Variants in MORN3 observed in about 807,000 individuals in gnomAD.
The protein encoded by MORN3 is MORN repeat containing 3.
MORN3 carries 38 observed loss-of-function variants against 34.7 expected under a neutral mutation model. That is an observed-to-expected ratio of 1.10 (90% CI 0.85 to 1.44). MORN3 has a LOEUF of 1.44. Among genes scored for constraint, MORN3 ranks in the 40% most tolerant of loss-of-function variants. MORN3 has a pLI of 0.00. For missense variants in MORN3, 311 were observed against 321.7 expected, an observed-to-expected ratio of 0.97 and a Z score of 0.25; for synonymous variants, 109 against 115.3, an observed-to-expected ratio of 0.95 and a Z score of 0.35.
chr12:121,662,292 C>T (rs975016013), intron 1 of MORN3, among the ~76,000 whole-genome samples: 1 of 152,076 alleles, frequency 6.6e-6, no homozygotes, highest in African/African-American at 2.4e-5. Context: ...CATGGTTAAG[C>T]CCTGTCTCTA....
chr12:121,656,889 T>C (rs1555325763), intron 2 of MORN3, among the ~76,000 whole-genome samples: 1 of 152,182 alleles, frequency 6.6e-6, no homozygotes, highest in Non-Finnish European at 1.5e-5. Context: ...ACATCCCTCC[T>C]AATACCATAT....
intron 1 of MORN3, among the ~76,000 whole-genome samples, chr12:121,667,668 C>T (rs1484917248): frequency 6.6e-6 from 1 of 151,978 alleles, no homozygotes; most frequent in Non-Finnish European, 1.5e-5. Flanking sequence ...CTGCCACCTT[C>T]TATGCTAGTT....
intron 5 of MORN3, among the ~76,000 whole-genome samples, chr12:121,652,389 A>T (rs140092678): frequency 0.03 from 4,492 of 152,096 alleles, 177 homozygotes; most frequent in East Asian, 0.11. Flanking sequence ...GCCTGCCACC[A>T]CACCTGGCTA....
chr12:121,670,182 AAAATAT>A (rs1893915707), upstream of MORN3, among the ~76,000 whole-genome samples: 2 of 152,154 alleles, frequency 1.3e-5, no homozygotes, highest in South Asian at 4.2e-4. Context: ...ATATGAATCC[AAAATAT>A]GAACCCAAAA....
intron 1 of MORN3, among the ~76,000 whole-genome samples, chr12:121,665,224 T>A (rs1474009686): frequency 6.7e-6 from 1 of 148,750 alleles, no homozygotes; most frequent in Non-Finnish European, 1.5e-5. Flanking sequence ...CTGGAGTACC[T>A]CGTATAGGAG....
At position 121,663,256 on chromosome 12, in the gene MORN3, C is replaced by T. The variant is rs144317774; in HGVS notation, c.146-3908G>A. ...TCTTGTTGCTCAGGCTGGAGTGCAACGGTGCAATCTCGGCTCACTGCAACC... is the reference window on the plus strand; with the variant it reads ...TCTTGTTGCTCAGGCTGGAGTGCAATGGTGCAATCTCGGCTCACTGCAACC... On this transcript the variant is annotated intron_variant, in intron 1 of 5. Transcript: ENST00000355329. 8.1e-3 allele frequency among the ~76,000 whole-genome samples: 1,198 copies of T among 148,430 alleles called. 7 individuals carry two copies. Among genetic ancestry groups the T allele is most frequent in the Non-Finnish European group, 0.013 (855 of 67,536 alleles).
At chr12:121,660,969 T>A (rs964556704) in intron 1 of MORN3, among the ~76,000 whole-genome samples, 4 of 151,912 alleles carry the variant, frequency 2.6e-5, no homozygotes, top group Admixed American at 2.0e-4. Context: ...GCGCCTGGCC[T>A]TTTTCTTTCT....
At position 121,654,389 on chromosome 12, in the gene MORN3, A is replaced by AC. The variant is rs782477112; in HGVS notation, c.347dup (p.Asp117Ter). On this transcript the variant is annotated frameshift_variant, in exon 3 of 6. Coordinates refer to ENST00000355329, the MANE Select transcript of MORN3 (RefSeq NM_173855.5). LOFTEE classifies it high-confidence loss of function. ...CGCTGCGCTGGCTGCCACACCAGTC[A>AC]CCCTCATAATACTCCTTGGGTCCGA... 3 of 1,601,180 alleles carry AC rather than the reference A, an allele frequency of 1.9e-6. No homozygotes were observed. In the Admixed American group the frequency reaches 5.2e-5, roughly 28 times the overall value.
At chr12:121,653,313 C>T in intron 3 of MORN3, 54 bp from the exon 4 acceptor site, 3 of 1,555,792 alleles carry the variant, frequency 1.9e-6, no homozygotes, top group Non-Finnish European at 1.7e-6. Flanking sequence ...TAAGCTAGAC[C>T]CCCAGGGGTC....
In MORN3 at chr12:121,654,321, C is replaced by T. The variant is rs1594221603; in HGVS notation, c.416G>A (p.Gly139Glu). ...GTTGGGCTTGTCGTTCTCCCACTGTCCCTCGTAGATGTCGCCGTTGCTGTA... is the reference window on the plus strand; with the variant it reads ...GTTGGGCTTGTCGTTCTCCCACTGTTCCTCGTAGATGTCGCCGTTGCTGTA... ...MYYSNGDIYEGQWENDKPNGE... is the reference protein window; with the variant it reads ...MYYSNGDIYEEQWENDKPNGE... Residue 139 changes from glycine (G) to glutamate (E), a missense_variant, in exon 3 of 6, where the codon GGA becomes GAA. Physicochemically the swap from Gly to Glu is moderately conservative, Grantham distance 98. Coordinates refer to ENST00000355329, the MANE Select transcript of MORN3 (RefSeq NM_173855.5). The T allele has an allele frequency of 3.7e-6, 6 of 1,602,834 alleles. No homozygotes were observed. The highest frequency in any genetic ancestry group is 5.1e-6 in the Non-Finnish European group (6 of 1,175,516).
chr12:121,668,530 A>C (rs1416199747), intron 1 of MORN3, among the ~76,000 whole-genome samples: 3 of 152,098 alleles, frequency 2.0e-5, no homozygotes, highest in Admixed American at 2.0e-4. Flanking sequence ...AACAAGAGTG[A>C]AACTCCGTCT....
intron 1 of MORN3, among the ~76,000 whole-genome samples, chr12:121,661,002 G>A (rs570715540): frequency 2.6e-5 from 4 of 151,998 alleles, no homozygotes; most frequent in East Asian, 3.9e-4. Context: ...GGATCTGGCT[G>A]TGTTGGCTAT....
At chr12:121,662,744 G>GAA (rs538350611) in intron 1 of MORN3, among the ~76,000 whole-genome samples, 29 of 120,862 alleles carry the variant, frequency 2.4e-4, no homozygotes, top group African/African-American at 4.7e-4. Flanking sequence ...GAGTGAGACT[G>GAA]AAAAAAAAAA....
At chr12:121,671,706 C>A (rs184788948), upstream of MORN3, among the ~76,000 whole-genome samples, 1,730 of 151,814 alleles carry the variant, frequency 0.011, 20 homozygotes, top group Non-Finnish European at 0.019. Context: ...ATAGTGAAAC[C>A]GCGTCTCTAC....
intron 1 of MORN3, among the ~76,000 whole-genome samples, chr12:121,660,333 C>CTTT (rs796851295): frequency 2.1e-5 from 3 of 142,478 alleles, no homozygotes; most frequent in Non-Finnish European, 4.5e-5. Flanking sequence ...ACTGTTTTCT[C>CTTT]TTTTTTTTTC....
upstream of MORN3, chr12:121,669,706 T>G: frequency 2.2e-6 from 1 of 461,916 alleles, no homozygotes; most frequent in Non-Finnish European, 3.9e-6. Flanking sequence ...TCCCAGGGGG[T>G]CTGATGGCAC....
intron 3 of MORN3, 112 bp from the exon 4 acceptor site, chr12:121,653,371 T>C: frequency 8.9e-7 from 1 of 1,119,154 alleles, no homozygotes; most frequent in Non-Finnish European, 1.2e-6. Flanking sequence ...GAGGCCAAGA[T>C]GGGAGGCTCA....
chr12:121,652,864 G>T, intron 4 of MORN3, 56 bp from the exon 5 acceptor site: 1 of 1,583,128 alleles, frequency 6.3e-7, no homozygotes, highest in Non-Finnish European at 8.7e-7. Flanking sequence ...CAGGCTGCCA[G>T]CCTTGACTGG....
At chr12:121,654,006 T>TA (rs1893327738) in intron 3 of MORN3, among the ~76,000 whole-genome samples, 1 of 151,864 alleles carries the variant, frequency 6.6e-6, no homozygotes, top group Admixed American at 6.6e-5. Context: ...ACCACCCCCA[T>TA]AGTCCTAGGC....
Sources: allele counts gnomAD v4.1 joint callset (sites outside exome capture counted in the v4.1 genomes callset), GRCh38; gene constraint gnomAD v4.1.1; transcripts MANE v1.5; gene names NCBI Gene and HGNC (gene_info 2026-07-23, HGNC 2026-07-21).